The following CCDC60 variants were observed in gnomAD, a reference collection of about 807,000 sequenced individuals.
The protein encoded by CCDC60 is coiled-coil domain-containing protein 60.
In CCDC60, 54 loss-of-function variants were observed where a neutral mutation model predicts 63.5. The observed-to-expected ratio is 0.85, with a 90% CI of 0.68 to 1.07. The LOEUF (loss-of-function observed/expected upper bound fraction) is 1.07. Ranked by LOEUF, CCDC60 falls within the 50% of genes least tolerant of loss-of-function variation. The pLI, the probability that CCDC60 is intolerant of heterozygous loss-of-function variation, is 0.00. For synonymous variants in CCDC60, 206 were observed against 238.8 expected, an observed-to-expected ratio of 0.86 and a Z score of 1.27; for missense variants, 651 against 684.3, an observed-to-expected ratio of 0.95 and a Z score of 0.54.
At chr12:119,503,206 A>C (rs1285400019) in intron 6 of CCDC60, among the ~76,000 whole-genome samples, 3 of 152,184 alleles carry the variant, frequency 2.0e-5, no homozygotes, top group Non-Finnish European at 4.4e-5. Context: ...AATTACGTTG[A>C]TCTGAAGAGC....
chr12:119,519,434 T>TGTGCGC (rs1262823056), intron 8 of CCDC60, among the ~76,000 whole-genome samples: 1 of 121,940 alleles, frequency 8.2e-6, no homozygotes, highest in Non-Finnish European at 1.8e-5. Context: ...TGTGTGTGTG[T>TGTGCGC]GCGCGTGTGT....
chr12:119,339,124 C>A (rs1381126594), intron 1 of CCDC60, among the ~76,000 whole-genome samples: 2 of 152,038 alleles, frequency 1.3e-5, no homozygotes, highest in Non-Finnish European at 2.9e-5. Flanking sequence ...CTTAGGGAGT[C>A]CCTTTTCCCT....
chr12:119,337,259 A>G (rs776288793), intron 1 of CCDC60, among the ~76,000 whole-genome samples: 6 of 152,226 alleles, frequency 3.9e-5, no homozygotes, highest in Admixed American at 1.3e-4. Flanking sequence ...TCTGGGACTG[A>G]ACTTCCCAGC....
chr12:119,510,849 A>G (rs1952198841), intron 7 of CCDC60, among the ~76,000 whole-genome samples: 1 of 152,222 alleles, frequency 6.6e-6, no homozygotes, highest in Non-Finnish European at 1.5e-5. Context: ...CAATCCTCTC[A>G]GGAGCCCCAT....
At chr12:119,527,845 T>A (rs1476840087) in intron 11 of CCDC60, among the ~76,000 whole-genome samples, 1 of 150,748 alleles carries the variant, frequency 6.6e-6, no homozygotes, top group Non-Finnish European at 1.5e-5. Context: ...CCCGGCTAAT[T>A]TTTTTTTGTA....
chr12:119,349,582 G>A (rs1157915500), intron 1 of CCDC60, among the ~76,000 whole-genome samples: 2 of 151,902 alleles, frequency 1.3e-5, no homozygotes, highest in East Asian at 3.9e-4. Flanking sequence ...CAGATGATCT[G>A]CCCATCTCAG....
intron 1 of CCDC60, among the ~76,000 whole-genome samples, chr12:119,394,947 G>A (rs1398242684): frequency 6.6e-6 from 1 of 152,238 alleles, no homozygotes; most frequent in Non-Finnish European, 1.5e-5. Flanking sequence ...AGCCAGTGGA[G>A]GGAGAATTGA....
chr12:119,383,696 T>C (rs1277314210), intron 1 of CCDC60, among the ~76,000 whole-genome samples: 1 of 152,154 alleles, frequency 6.6e-6, no homozygotes, highest in African/African-American at 2.4e-5. Flanking sequence ...CTGGATACCA[T>C]GAGATTTCCT....
intron 2 of CCDC60, among the ~76,000 whole-genome samples, chr12:119,442,638 T>C (rs1028638977): frequency 6.6e-6 from 1 of 152,178 alleles, no homozygotes; most frequent in Non-Finnish European, 1.5e-5. Flanking sequence ...ATAACGAAAA[T>C]AACATTATTA....
At chr12:119,416,465 T>C (rs1055344155) in intron 1 of CCDC60, among the ~76,000 whole-genome samples, 1 of 152,198 alleles carries the variant, frequency 6.6e-6, no homozygotes, top group African/African-American at 2.4e-5. Flanking sequence ...CAGTGAGGAA[T>C]ATCCAGCTAC....
chr12:119,475,722 T>G (rs1951162401), intron 3 of CCDC60, among the ~76,000 whole-genome samples: 1 of 152,204 alleles, frequency 6.6e-6, no homozygotes, highest in Non-Finnish European at 1.5e-5. Flanking sequence ...TCTCTGAGTC[T>G]CCTTTTCTTC....
chr12:119,516,361 C>T (rs1227102676), intron 7 of CCDC60, among the ~76,000 whole-genome samples: 3 of 152,210 alleles, frequency 2.0e-5, no homozygotes, highest in Non-Finnish European at 4.4e-5. Flanking sequence ...CTGCCTTGAC[C>T]TCTCAAAGTA....
At chr12:119,488,638 C>T (rs1360109079) in intron 4 of CCDC60, 121 bp from the exon 5 acceptor site, 8 of 768,796 alleles carry the variant, frequency 1.0e-5, no homozygotes, top group Non-Finnish European at 6.7e-6. Flanking sequence ...CTTGCGCATG[C>T]CTGGAGCATG....
At position 119,456,007 on chromosome 12, in the gene CCDC60, G is replaced by GAA. The variant is rs377563101; in HGVS notation, c.171-15985_171-15984dup. On this transcript the variant is annotated intron_variant, in intron 2 of 13. Coordinates refer to ENST00000327554, the MANE Select transcript of CCDC60 (RefSeq NM_178499.5). This position sits in a 1 kb window ranked among gnomAD's most constrained non-coding sequence, Gnocchi z 4.6. ...AGAGAAAGAGAGAGAGAAAGAGAAA[G>GAA]AAAGAAAGAAAGAAAGAAAGAAAGA... 0.096 allele frequency among the ~76,000 whole-genome samples: 10,795 copies of GAA among 112,968 alleles called. 919 individuals carry two copies. Among genetic ancestry groups the GAA allele is most frequent in the East Asian group, 0.24 (908 of 3,712 alleles). 74.1% of individuals were successfully genotyped at this position (112,968 alleles called of 152,430 possible).
At chr12:119,445,327 G>A (rs1195445553) in intron 2 of CCDC60, among the ~76,000 whole-genome samples, 3 of 151,160 alleles carry the variant, frequency 2.0e-5, no homozygotes, top group East Asian at 1.9e-4. Flanking sequence ...CCAGCTACTC[G>A]GGAGGCTGAG....
rs954625492 is a variant in CCDC60, at chr12:119,508,991, G to A, written c.883+3688G>A. 3.3e-5 allele frequency among the ~76,000 whole-genome samples: 5 copies of A among 152,086 alleles called. No individual in the cohort carries two copies. In the South Asian group the frequency reaches 6.2e-4, roughly 19 times the overall value. The stretch of plus-strand genomic sequence containing the variant: ...TGGCAGAAGGGAGTAGCAGAGGAAG[G>A]AGACTTTGCAATGAGGGGAGGGGTA... On this transcript the variant is annotated intron_variant, in intron 7 of 13. Coordinates refer to ENST00000327554, the MANE Select transcript of CCDC60 (RefSeq NM_178499.5).
chr12:119,448,118 C>T (rs2136276748), intron 2 of CCDC60, among the ~76,000 whole-genome samples: 1 of 150,790 alleles, frequency 6.6e-6, no homozygotes, highest in Non-Finnish European at 1.5e-5. Flanking sequence ...CCTATAGTAA[C>T]AATACTTTAC....
rs1029912794 is a variant in CCDC60 at position 119,527,077 on chromosome 12, G to A, written c.1230-1538G>A. ...GTACATTCATACCATGGAATATTAT[G>A]CAGCCATAAAAAAGAATGAGATCAT... On this transcript the variant is annotated intron_variant, in intron 11 of 13. Transcript: ENST00000327554. 9.8e-5 allele frequency among the ~76,000 whole-genome samples: 15 copies of A among 152,292 alleles called. 1 individual carries two copies. In the East Asian group the frequency reaches 2.9e-3, roughly 29 times the overall value.
In CCDC60 at chr12:119,349,055, A is replaced by G. The variant is rs182807802; in HGVS notation, c.90+13789A>G. ...GCAGGCATTATTAATTCCATTTTAC[A>G]GATGAGGAAGCCTGTCAACAAGGGT... On this transcript the variant is annotated intron_variant, in intron 1 of 13. Transcript: ENST00000327554. Among the ~76,000 whole-genome samples, 313 of 152,304 alleles carry G rather than the reference A, an allele frequency of 2.1e-3. 2 individuals carry two copies. The highest frequency in any genetic ancestry group is 0.019 in the Admixed American group (286 of 15,296).
Sources: allele counts gnomAD v4.1 joint callset (sites outside exome capture counted in the v4.1 genomes callset), GRCh38; gene constraint gnomAD v4.1.1; non-coding constraint Gnocchi (gnomAD v3.1); transcripts MANE v1.5; gene names NCBI Gene and HGNC (gene_info 2026-07-23, HGNC 2026-07-21).